The following TTLL13 variants were observed in gnomAD, a reference collection of about 807,000 sequenced individuals.
The protein encoded by TTLL13 is tubulin polyglutamylase TTLL13.
At chr15:90,253,304 G>T in the TTLL13 span, 1 of 1,613,760 alleles carries the variant, frequency 6.2e-7, no homozygotes, top group Non-Finnish European at 8.5e-7. Context: ...ATGAAGAGTG[G>T]ACTCTGTACT....
At chr15:90,262,103 G>GA in the TTLL13 span, 2 of 1,536,000 alleles carry the variant, frequency 1.3e-6, no homozygotes, top group African/African-American at 2.7e-5. Flanking sequence ...CCCTGGGCCT[G>GA]ACACAGAGAA....
chr15:90,262,591 G>C, the TTLL13 span: 1 of 1,534,626 alleles, frequency 6.5e-7, no homozygotes, highest in Non-Finnish European at 8.7e-7. Context: ...AATCAGCTGG[G>C]GAGAAAAGCC....
At chr15:90,264,871 C>T in the TTLL13 span, 1 of 1,536,126 alleles carries the variant, frequency 6.5e-7, no homozygotes, top group Non-Finnish European at 8.7e-7. Context: ...CCATGGTAAA[C>T]TCTGAACACA....
chr15:90,251,986 T>G, the TTLL13 span, among the ~76,000 whole-genome samples: 10 of 151,228 alleles, frequency 6.6e-5, no homozygotes, highest in Non-Finnish European at 1.3e-4. Flanking sequence ...GCCGTCTTCC[T>G]ATCTGAGCTT....
chr15:90,251,099 G>A, the TTLL13 span, among the ~76,000 whole-genome samples: 1 of 144,736 alleles, frequency 6.9e-6, no homozygotes, highest in African/African-American at 2.6e-5. Context: ...GCCTGTTTAT[G>A]TCATCCTGGT....
chr15:90,251,868 T>C, the TTLL13 span, among the ~76,000 whole-genome samples: 2 of 151,244 alleles, frequency 1.3e-5, no homozygotes, highest in African/African-American at 2.4e-5. Flanking sequence ...GCCCCACCCT[T>C]CCCAGATTTT....
the TTLL13 span, chr15:90,256,156 G>A: frequency 6.8e-6 from 11 of 1,614,182 alleles, no homozygotes; most frequent in Non-Finnish European, 9.3e-6. Flanking sequence ...GGGACTTCCA[G>A]TCCTACGGTC....
the TTLL13 span, chr15:90,251,537 C>T: frequency 1.2e-6 from 2 of 1,612,990 alleles, no homozygotes; most frequent in East Asian, 2.2e-5. Context: ...CTGATTTATG[C>T]TATTCCTCCA....
chr15:90,256,609 C>CT, the TTLL13 span, among the ~76,000 whole-genome samples: 4 of 40,502 alleles, frequency 9.9e-5, no homozygotes, highest in African/African-American at 5.1e-4. Flanking sequence ...TTCTTTCTTT[C>CT]CTTCCTTCCT....
the TTLL13 span, chr15:90,255,779 ACAGAAATCTGCCG>A: frequency 6.2e-7 from 1 of 1,614,152 alleles, no homozygotes; most frequent in East Asian, 2.2e-5. Context: ...CCCTGGCATG[ACAGAAATCTGCCG>A]CAAAGATCTG....
the TTLL13 span, among the ~76,000 whole-genome samples, chr15:90,254,357 G>A: frequency 6.6e-6 from 1 of 151,382 alleles, no homozygotes; most frequent in African/African-American, 2.4e-5. Context: ...ACCAGGCATG[G>A]TGGCGCACAC....
the TTLL13 span, among the ~76,000 whole-genome samples, chr15:90,254,628 A>G: frequency 0.27 from 41,162 of 151,814 alleles, 6,547 homozygotes; most frequent in East Asian, 0.69. Context: ...GCTTGAACTC[A>G]GGACTTTGAG....
chr15:90,262,152 A>G, the TTLL13 span: 2,447 of 1,535,678 alleles, frequency 1.6e-3, 25 homozygotes, highest in African/African-American at 0.028. Flanking sequence ...TCCCTCTTCC[A>G]AGAGACTGCT....
chr15:90,265,465 T>C, the TTLL13 span: 4 of 1,363,260 alleles, frequency 2.9e-6, no homozygotes, highest in South Asian at 6.7e-5. Context: ...TAATTAAAGT[T>C]TATGCAGTTT....
At chr15:90,256,751 C>T in the TTLL13 span, among the ~76,000 whole-genome samples, 1 of 151,848 alleles carries the variant, frequency 6.6e-6, no homozygotes, top group Non-Finnish European at 1.5e-5. Flanking sequence ...TGCAGCGGCA[C>T]GATCTCAGCT....
the TTLL13 span, chr15:90,253,463 T>C: frequency 5.1e-6 from 4 of 789,208 alleles, no homozygotes; most frequent in Non-Finnish European, 7.9e-6. Context: ...CTACTCTTTG[T>C]GGCTGTCCCC....
chr15:90,257,068 G>C, the TTLL13 span: 1 of 1,401,942 alleles, frequency 7.1e-7, no homozygotes. Flanking sequence ...TGTGTGTGAA[G>C]CACTTAGAAC....
At chr15:90,264,617 A>G in the TTLL13 span, 1 of 1,332,798 alleles carries the variant, frequency 7.5e-7, no homozygotes, top group Non-Finnish European at 1.0e-6. Flanking sequence ...GGGAAGCATG[A>G]GATGCCCTTC....
chr15:90,254,901 G>T, the TTLL13 span, among the ~76,000 whole-genome samples: 23 of 152,316 alleles, frequency 1.5e-4, no homozygotes, highest in African/African-American at 5.5e-4. Flanking sequence ...CATTTACTGA[G>T]GGCTTACTGT....
Sources: allele counts gnomAD v4.1 joint callset (sites outside exome capture counted in the v4.1 genomes callset), GRCh38; gene constraint gnomAD v4.1.1; transcripts MANE v1.5; gene names NCBI Gene and HGNC (gene_info 2026-07-23, HGNC 2026-07-21).